The following MAP4 variants were observed in gnomAD, a reference collection of about 807,000 sequenced individuals.
The protein encoded by MAP4 is microtubule associated protein 4.
MAP4 carries 76 observed loss-of-function variants against 170.2 expected under a neutral mutation model. That is an observed-to-expected ratio of 0.45 (90% CI 0.37 to 0.54). The LOEUF (loss-of-function observed/expected upper bound fraction) is 0.54. MAP4 is among the 20% of genes least tolerant of loss of function. The pLI is 0.00. For synonymous variants in MAP4, 909 were observed against 994.5 expected, an observed-to-expected ratio of 0.91 and a Z score of 1.62; for missense variants, 2,506 against 2,748.0, an observed-to-expected ratio of 0.91 and a Z score of 1.97.
intron 1 of MAP4, among the ~76,000 whole-genome samples, chr3:48,088,324 CTG>C (rs2154577935): frequency 6.6e-6 from 1 of 152,256 alleles, no homozygotes; most frequent in South Asian, 2.1e-4. Flanking sequence ...TAATCCCTGA[CTG>C]GACATACTAA....
At chr3:47,999,003 G>A (rs2100097781) in intron 1 of MAP4, 124 bp from the exon 2 acceptor site, 1 of 645,374 alleles carries the variant, frequency 1.5e-6, no homozygotes, top group Admixed American at 2.9e-5. Context: ...ACAGCTAGAA[G>A]AGGCTCCCTC....
chr3:47,986,112 G>A (rs541702909), intron 2 of MAP4, among the ~76,000 whole-genome samples: 1 of 152,324 alleles, frequency 6.6e-6, no homozygotes, highest in East Asian at 1.9e-4. Flanking sequence ...TTCTTGCAGT[G>A]TGAAGTTTAA....
intron 5 of MAP4, among the ~76,000 whole-genome samples, chr3:47,919,484 AT>A (rs1029189376): frequency 1.7e-4 from 26 of 151,042 alleles, no homozygotes; most frequent in African/African-American, 5.4e-4. Context: ...ATTTTTTTGT[AT>A]TTTTAATAGA....
At chr3:48,061,807 A>G (rs1342914067) in intron 1 of MAP4, among the ~76,000 whole-genome samples, 18 of 82,716 alleles carry the variant, frequency 2.2e-4, no homozygotes, top group East Asian at 3.3e-4. Context: ...GGCAGCCCCC[A>G]CCCGGCCAGC....
chr3:47,955,435 T>TACGTAC (rs1491559256), intron 3 of MAP4, among the ~76,000 whole-genome samples: 18 of 135,398 alleles, frequency 1.3e-4, no homozygotes, highest in African/African-American at 5.0e-4. Context: ...AATAAGCACG[T>TACGTAC]ACACACACAC....
intron 1 of MAP4, among the ~76,000 whole-genome samples, chr3:48,079,373 G>A (rs528336150): frequency 2.0e-5 from 3 of 152,234 alleles, no homozygotes; most frequent in Admixed American, 2.0e-4. Context: ...CAAGGCTGGA[G>A]CTGGGTGCAG....
chr3:47,967,314 G>A (rs533633412), intron 3 of MAP4, among the ~76,000 whole-genome samples: 4 of 151,842 alleles, frequency 2.6e-5, no homozygotes, highest in South Asian at 2.1e-4. Context: ...CAGCCTGGGC[G>A]ACAGAGCGAG....
Position 47,855,242 on chromosome 3 carries a change from C to T in MAP4, c.6696+6G>A, listed in dbSNP as rs554101832. The stretch of plus-strand genomic sequence containing the variant: ...AGCTGTGTCTCCCCAGTGACCCACT[C>T]GCTACCTTCACAGCACCTCCTGCAG... On this transcript the variant is annotated splice_donor_region_variant and intron_variant, in intron 19 of 20. Coordinates refer to ENST00000683076, the MANE Select transcript of MAP4 (RefSeq NM_001385682.1). This position sits in a 1 kb window ranked among gnomAD's most constrained non-coding sequence, Gnocchi z 5.1. 2.4e-5 allele frequency: 39 copies of T among 1,608,230 alleles called. No individual in the cohort carries two copies. The highest frequency in any genetic ancestry group is 2.9e-5 in the Non-Finnish European group (34 of 1,174,818).
rs1048533526 is a variant in MAP4, at chr3:47,858,924, C to T, written c.6502-1412G>A. On this transcript the variant is annotated intron_variant, in intron 17 of 20. Coordinates refer to ENST00000683076, the MANE Select transcript of MAP4 (RefSeq NM_001385682.1). ...CGGGCGGATCACGAGGTCAGGAGAT[C>T]GAGACCATCCTGGCTAACATGGTGA... is the stretch of plus-strand genomic sequence containing the variant. Among the ~76,000 whole-genome samples the T allele has an allele frequency of 5.9e-5, 9 of 152,108 alleles. No homozygotes were observed. The East Asian group carries it at 7.7e-4, about 13-fold the overall frequency.
At chr3:47,896,095 A>G (rs983470384) in intron 10 of MAP4, among the ~76,000 whole-genome samples, 2 of 152,236 alleles carry the variant, frequency 1.3e-5, no homozygotes, top group African/African-American at 2.4e-5. Context: ...AGGCATACAG[A>G]TAAGTTTGGT....
chr3:47,923,136 T>C (rs2100043937), intron 4 of MAP4, among the ~76,000 whole-genome samples: 1 of 152,050 alleles, frequency 6.6e-6, no homozygotes, highest in Non-Finnish European at 1.5e-5. Context: ...TTTTATTATC[T>C]TAATCATCCT....
intron 3 of MAP4, among the ~76,000 whole-genome samples, chr3:47,975,893 G>T (rs188221978): frequency 6.6e-6 from 1 of 151,766 alleles, no homozygotes; most frequent in African/African-American, 2.4e-5. Context: ...GGGTTCAAGC[G>T]ATTCTTCTGC....
chr3:48,088,050 T>TC (rs1225815310), intron 1 of MAP4, among the ~76,000 whole-genome samples: 1 of 152,140 alleles, frequency 6.6e-6, no homozygotes, highest in Non-Finnish European at 1.5e-5. Flanking sequence ...TCACAACTCC[T>TC]CCACAGGACA....
intron 10 of MAP4, among the ~76,000 whole-genome samples, chr3:47,885,480 CA>C (rs920483125): frequency 6.6e-6 from 1 of 152,196 alleles, no homozygotes; most frequent in African/African-American, 2.4e-5. Flanking sequence ...CTTTCTACCT[CA>C]TATTCTTTTA....
Position 47,909,609 on chromosome 3 carries a change from T to A in MAP4, c.4812A>T (p.Ala1604=). The A allele has an allele frequency of 6.2e-7, 1 of 1,613,594 alleles. No individual in the cohort carries two copies. The highest frequency in any genetic ancestry group is 8.5e-7 in the Non-Finnish European group (1 of 1,179,884). Residue 1604 remains alanine, a synonymous_variant, in exon 9 of 21, where the codon GCA becomes GCT. Coordinates refer to ENST00000683076, the MANE Select transcript of MAP4 (RefSeq NM_001385682.1). ...TCTCTTTCTCTTCATTCACTGGATG[T>A]GCTGGGAAATTACCTCTATCTGCAT... The part of the protein sequence containing the change: ...EGYADRGNFP[A]HPVNEEKETK...
chr3:47,902,968 G>T lies in MAP4; in HGVS notation c.5416C>A (p.Leu1806Met). Residue 1806 changes from leucine (L) to methionine (M), a missense_variant, in exon 10 of 21, where the codon CTG (leucine) becomes ATG (methionine). Physicochemically the swap from Leu to Met is conservative, Grantham distance 15 (BLOSUM62 2). This residue lies in a region of MAP4 where 2,008 missense variants were observed against 2,206.0 expected (regional missense o/e 0.91). Coordinates refer to ENST00000683076, the MANE Select transcript of MAP4 (RefSeq NM_001385682.1). ...TTCTCACCATAAACTGACATTCCCA[G>T]CTGCTGGTAGACAGTTGATGAGCTC... ...CLSSSTVYQQ[L>M]GMSVYGIARP... The T allele has an allele frequency of 4.1e-6, 4 of 985,186 alleles. No individual in the cohort carries two copies. Among genetic ancestry groups the T allele is most frequent in the Non-Finnish European group, 4.8e-6 (4 of 829,754 alleles). The allele number at this position is 985,186 out of a possible 1,614,324, so 61.0% of individuals were successfully genotyped here.
At chr3:47,881,807 G>T (rs2631721) in intron 10 of MAP4, among the ~76,000 whole-genome samples, 58,379 of 151,290 alleles carry the variant, frequency 0.39, 12,625 homozygotes, top group African/African-American at 0.59. Flanking sequence ...GGTCTCCCTG[G>T]GTTGCTCAGG....
At chr3:48,065,131 TA>T (rs571787969) in intron 1 of MAP4, among the ~76,000 whole-genome samples, 2 of 151,864 alleles carry the variant, frequency 1.3e-5, no homozygotes, top group Non-Finnish European at 2.9e-5. Flanking sequence ...CACTGTCTCT[TA>T]AAAAAAAGAA....
At chr3:47,997,677 T>A (rs1301388477) in intron 2 of MAP4, among the ~76,000 whole-genome samples, 1 of 151,664 alleles carries the variant, frequency 6.6e-6, no homozygotes, top group Non-Finnish European at 1.5e-5. Context: ...GATCTTTCAA[T>A]ACAATTGATA....
Sources: gnomAD v4.1 joint callset for allele counts (sites outside exome capture counted in the v4.1 genomes callset) on GRCh38, gnomAD v4.1.1 for gene constraint, gnomAD v4.1.1 regional missense constraint, Gnocchi (gnomAD v3.1) non-coding constraint, MANE v1.5 for transcripts, NCBI Gene and HGNC (gene_info 2026-07-23, HGNC 2026-07-21) for gene names.